Variants in MLLT10 observed in about 807,000 individuals in gnomAD.
MLLT10 encodes the protein protein AF-10.
MLLT10 carries 30 observed loss-of-function variants against 129.1 expected under a neutral mutation model. That is an observed-to-expected ratio of 0.23 (90% CI 0.17 to 0.32). The LOEUF (loss-of-function observed/expected upper bound fraction) is 0.32, where lower values mean the gene tolerates loss of function less well. Ranked by LOEUF, MLLT10 falls within the 10% of genes least tolerant of loss-of-function variation. The pLI is 1.00. For missense variants in MLLT10, 1,119 were observed against 1,268.3 expected, an observed-to-expected ratio of 0.88 and a Z score of 1.79; for synonymous variants, 490 against 446.4, an observed-to-expected ratio of 1.10 and a Z score of -1.23.
chr10:21,611,724 G>A (rs1266624559), intron 5 of MLLT10, among the ~76,000 whole-genome samples: 4 of 152,148 alleles, frequency 2.6e-5, no homozygotes, highest in East Asian at 1.9e-4. Flanking sequence ...AAAGTTTCTC[G>A]GGGTGTTCAT....
At chr10:21,704,611 C>T (rs1441388097) in intron 13 of MLLT10, among the ~76,000 whole-genome samples, 5 of 128,192 alleles carry the variant, frequency 3.9e-5, no homozygotes, top group African/African-American at 8.8e-5. Context: ...CTCTCTCTCG[C>T]TTTTTTTTTT....
intron 14 of MLLT10, among the ~76,000 whole-genome samples, chr10:21,719,128 G>A (rs545346085): frequency 6.6e-6 from 1 of 152,292 alleles, no homozygotes; most frequent in East Asian, 1.9e-4. Flanking sequence ...ATATGATTAT[G>A]TATGTGTGTG....
chr10:21,620,089 C>G (rs1453880732), intron 8 of MLLT10, among the ~76,000 whole-genome samples: 2 of 151,926 alleles, frequency 1.3e-5, no homozygotes, highest in African/African-American at 4.8e-5. Flanking sequence ...ACCACCACGC[C>G]CAGCTAATTT....
rs769128741 is a variant in MLLT10, at chr10:21,735,207, AGTT to A, written c.2931_2933del (p.Leu978del). ...CTTATTCATCAACAGCAGTTTCAGC[AGTT>A]GTTAAATTCTCAACAGCTCACACCA... On this transcript the variant is annotated inframe_deletion, in exon 21 of 23. Transcript: ENST00000307729. 16 of 1,613,808 alleles carry A rather than the reference AGTT, an allele frequency of 9.9e-6. No homozygotes were observed. The highest frequency in any genetic ancestry group is 1.3e-5 in the Non-Finnish European group (15 of 1,179,822).
chr10:21,614,876 C>T lies in MLLT10; in HGVS notation c.555C>T (p.Ala185=), dbSNP rs141768288. The change falls in exon 7 of 23, where the codon GCC becomes GCT. Residue 185 remains alanine, a synonymous_variant. Transcript: ENST00000307729. ...GLLCEEEGNG[A]DNVQYCGYCK... is the part of the protein sequence containing the mutation. ...TTTGTGAAGAAGAAGGTAATGGTGC[C>T]GATAATGTCCAATACTGTGGCTACT... The T allele has an allele frequency of 1.2e-5, 19 of 1,612,562 alleles. No homozygotes were observed. The highest frequency in any genetic ancestry group is 4.4e-5 in the South Asian group (4 of 90,634).
At chr10:21,736,779 G>T (rs1340522390) in intron 21 of MLLT10, among the ~76,000 whole-genome samples, 1 of 152,192 alleles carries the variant, frequency 6.6e-6, no homozygotes, top group Non-Finnish European at 1.5e-5. Context: ...AGATAAGGCA[G>T]TTGCACAGTA....
intron 8 of MLLT10, among the ~76,000 whole-genome samples, chr10:21,622,204 C>T (rs1364753634): frequency 2.3e-5 from 3 of 132,248 alleles, no homozygotes; most frequent in Non-Finnish European, 3.1e-5. Context: ...GTTACGCAGG[C>T]TGGGGTGCAG....
intron 8 of MLLT10, among the ~76,000 whole-genome samples, chr10:21,632,444 T>C (rs2047091069): frequency 6.6e-6 from 1 of 152,220 alleles, no homozygotes. Context: ...TATTTATTAA[T>C]GTATTTATCA....
chr10:21,552,739 G>A (rs1490356503), intron 3 of MLLT10, among the ~76,000 whole-genome samples: 1 of 151,956 alleles, frequency 6.6e-6, no homozygotes, highest in Non-Finnish European at 1.5e-5. Flanking sequence ...GTATTAGGTC[G>A]TTTATAGATT....
At chr10:21,618,827 G>T (rs954361554) in intron 8 of MLLT10, among the ~76,000 whole-genome samples, 2 of 151,862 alleles carry the variant, frequency 1.3e-5, no homozygotes, top group African/African-American at 4.8e-5. Context: ...CTGCTTCCCG[G>T]GTTCAAGTGA....
At chr10:21,567,126 G>T (rs936375861) in intron 3 of MLLT10, among the ~76,000 whole-genome samples, 5 of 151,724 alleles carry the variant, frequency 3.3e-5, no homozygotes, top group Non-Finnish European at 7.4e-5. Context: ...GTATCTTTTT[G>T]GTATCACAAA....
At chr10:21,584,821 C>G (rs2041842338) in intron 3 of MLLT10, among the ~76,000 whole-genome samples, 1 of 150,608 alleles carries the variant, frequency 6.6e-6, no homozygotes. Context: ...TATACACATA[C>G]ATATGTATGT....
At chr10:21,538,396 C>T (rs1309992922) in intron 2 of MLLT10, among the ~76,000 whole-genome samples, 1 of 152,052 alleles carries the variant, frequency 6.6e-6, no homozygotes, top group African/African-American at 2.4e-5. Context: ...CTCCCAACCT[C>T]AGGTGATCCG....
At chr10:21,695,082 G>C (rs1015788849) in intron 13 of MLLT10, among the ~76,000 whole-genome samples, 3 of 38,950 alleles carry the variant, frequency 7.7e-5, no homozygotes, top group South Asian at 1.6e-3. Context: ...TTTTTTTTTT[G>C]TTTGGAGACA....
At chr10:21,568,742 G>A (rs748315933) in intron 3 of MLLT10, among the ~76,000 whole-genome samples, 3 of 151,992 alleles carry the variant, frequency 2.0e-5, no homozygotes, top group Non-Finnish European at 4.4e-5. Flanking sequence ...GGTTCAAGCA[G>A]TTCTCTGCCT....
At chr10:21,640,807 T>C (rs1382671923) in intron 8 of MLLT10, among the ~76,000 whole-genome samples, 1 of 152,176 alleles carries the variant, frequency 6.6e-6, no homozygotes, top group Non-Finnish European at 1.5e-5. Context: ...CATGAATAAT[T>C]CTCAAATTAT....
rs887289785 is a variant in MLLT10, at chr10:21,740,181, C to A, written c.3107C>A (p.Ala1036Asp). ...AGTQAPPLHT[A>D]TTNPFLTIHG... The stretch of plus-strand genomic sequence containing the variant: ...ACACAGGCACCCCCACTTCACACAG[C>A]TACCACCAACCCATTTCTCACCATC... Residue 1036 changes from alanine to aspartate, a missense_variant, in exon 22 of 23, where the codon GCT (alanine) becomes GAT (aspartate). Around this residue, in one of 5 missense-constraint regions of MLLT10, gnomAD observed 1,004 missense variants for 1,008.7 expected, o/e 1.00. Transcript: ENST00000307729. 3 of 1,614,074 alleles carry A rather than the reference C, an allele frequency of 1.9e-6. No homozygotes were observed. The highest frequency in any genetic ancestry group is 2.5e-6 in the Non-Finnish European group (3 of 1,180,044).
At chr10:21,542,398 G>A (rs921506920) in intron 3 of MLLT10, among the ~76,000 whole-genome samples, 3 of 152,036 alleles carry the variant, frequency 2.0e-5, no homozygotes, top group South Asian at 4.1e-4. Context: ...TTAAAACCCC[G>A]TTTCTTCTAA....
At chr10:21,730,456 T>G (rs545204025) in intron 16 of MLLT10, among the ~76,000 whole-genome samples, 2 of 152,354 alleles carry the variant, frequency 1.3e-5, no homozygotes, top group African/African-American at 4.8e-5. Context: ...TAGTTGGTTG[T>G]AAATTCAAAT....
Sources: allele counts gnomAD v4.1 joint callset (sites outside exome capture counted in the v4.1 genomes callset), GRCh38; gene constraint gnomAD v4.1.1; regional missense constraint gnomAD v4.1.1; transcripts MANE v1.5; gene names NCBI Gene and HGNC (gene_info 2026-07-23, HGNC 2026-07-21).